The following USP45 variants were observed in gnomAD, a reference collection of about 807,000 sequenced individuals.
USP45 encodes ubiquitin specific peptidase 45.
In USP45, 89 loss-of-function variants were observed where a neutral mutation model predicts 95.8. The observed-to-expected ratio is 0.93, with a 90% CI of 0.78 to 1.11. The LOEUF is 1.11. USP45 is among the 50% of genes least tolerant of loss of function. USP45 has a pLI of 0.00. For missense variants in USP45, 898 were observed against 942.5 expected, an observed-to-expected ratio of 0.95 and a Z score of 0.62; for synonymous variants, 281 against 316.2, an observed-to-expected ratio of 0.89 and a Z score of 1.18.
intron 13 of USP45, 106 bp downstream of exon 13, chr6:99,464,498 G>T (rs992992612): frequency 1.4e-5 from 17 of 1,254,506 alleles, no homozygotes; most frequent in Admixed American, 4.9e-5. Flanking sequence ...CAAAAAATGG[G>T]TACATGAGAG....
intron 5 of USP45, among the ~76,000 whole-genome samples, chr6:99,489,546 T>A (rs559615984): frequency 3.3e-5 from 5 of 152,324 alleles, no homozygotes; most frequent in East Asian, 3.9e-4. Context: ...AAAAGTTTTT[T>A]AAAAATAAAC....
At chr6:99,511,860 T>TAC (rs1799933583) in intron 1 of USP45, among the ~76,000 whole-genome samples, 1 of 82,530 alleles carries the variant, frequency 1.2e-5, no homozygotes, top group Non-Finnish European at 2.7e-5. Flanking sequence ...TATATATATA[T>TAC]ATATATATAT....
chr6:99,440,706 G>A (rs1045551094), intron 15 of USP45, among the ~76,000 whole-genome samples: 9 of 150,808 alleles, frequency 6.0e-5, no homozygotes, highest in South Asian at 4.2e-4. Context: ...TTTTTTTGCC[G>A]AAGTGTATTC....
At chr6:99,507,568 AAATGTTTGTTTC>A in intron 3 of USP45, 37 bp from the exon 4 acceptor site, 3 of 1,382,582 alleles carry the variant, frequency 2.2e-6, no homozygotes, top group Non-Finnish European at 3.1e-6. Flanking sequence ...TATGACTTAC[AAATGTTTGTTTC>A]AAATTAATCA....
chr6:99,446,781 T>C (rs533066663), intron 13 of USP45, among the ~76,000 whole-genome samples: 10 of 152,348 alleles, frequency 6.6e-5, no homozygotes, highest in Admixed American at 5.2e-4. Flanking sequence ...TCTTGCTCTG[T>C]TGCCCAGGCT....
At chr6:99,445,672 G>C (rs1468512849) in intron 14 of USP45, 125 bp downstream of exon 14, 1 of 734,002 alleles carries the variant, frequency 1.4e-6, no homozygotes, top group East Asian at 2.8e-5. Flanking sequence ...AAATATGAAT[G>C]AAACAATCTC....
Position 99,435,781 on chromosome 6 carries a change from C to A in USP45, c.2380G>T (p.Val794Leu), listed in dbSNP as rs1227757762. Residue 794 changes from valine (V) to leucine (L), a missense_variant, in exon 18 of 18, where the codon GTG (valine) becomes TTG (leucine). Physicochemically the swap from Val to Leu is conservative, Grantham distance 32. Transcript: ENST00000500704. ...WVHVSDTYLQ[V>L]VPESRALSAQ... is the part of the protein sequence containing the mutation. The stretch of plus-strand genomic sequence containing the variant: ...CTAAGTGCTCTTGATTCTGGAACCA[C>A]CTGTAAGTAAGTGTCACTAACATGG... 4 of 1,613,602 alleles carry A rather than the reference C, an allele frequency of 2.5e-6. No homozygotes were observed. In the African/African-American group the frequency reaches 5.3e-5, roughly 22 times the overall value.
chr6:99,491,888 T>C (rs1212748047), intron 5 of USP45, among the ~76,000 whole-genome samples: 1 of 152,038 alleles, frequency 6.6e-6, no homozygotes, highest in African/African-American at 2.4e-5. Flanking sequence ...AATAACTATA[T>C]ATGTTTTATA....
At chr6:99,515,465 G>GT (rs1469909571), upstream of USP45, 2 of 152,288 alleles carry the variant, frequency 1.3e-5, no homozygotes, top group South Asian at 4.1e-4. Context: ...CCCGGCAGAG[G>GT]TGGGGCCTCG....
chr6:99,487,515 C>T (rs958744772), intron 7 of USP45, among the ~76,000 whole-genome samples: 2 of 151,104 alleles, frequency 1.3e-5, no homozygotes, highest in Non-Finnish European at 2.9e-5. Context: ...TGTGGCCGGG[C>T]GTGGTGGCTC....
upstream of USP45, among the ~76,000 whole-genome samples, chr6:99,517,824 C>A (rs1801198954): frequency 6.6e-6 from 1 of 151,728 alleles, no homozygotes; most frequent in Non-Finnish European, 1.5e-5. Flanking sequence ...GTAATACCTG[C>A]TGGTTTCTCA....
intron 4 of USP45, 70 bp from the exon 5 acceptor site, chr6:99,503,935 A>G (rs1475073352): frequency 8.9e-7 from 1 of 1,127,442 alleles, no homozygotes; most frequent in Non-Finnish European, 1.2e-6. Flanking sequence ...CAGATAACAA[A>G]GTTGGTATTT....
chr6:99,501,463 G>A (rs939601170), intron 5 of USP45, among the ~76,000 whole-genome samples: 4 of 152,006 alleles, frequency 2.6e-5, no homozygotes, highest in Non-Finnish European at 4.4e-5. Context: ...AACAAACCAC[G>A]TTTCTGCAAT....
upstream of USP45, among the ~76,000 whole-genome samples, chr6:99,517,025 C>T (rs1315826783): frequency 6.6e-6 from 1 of 152,122 alleles, no homozygotes; most frequent in Non-Finnish European, 1.5e-5. Context: ...TTGATTTCCA[C>T]TAGATAGACC....
chr6:99,476,834 A>G (rs1027603862), intron 8 of USP45, among the ~76,000 whole-genome samples: 3 of 152,220 alleles, frequency 2.0e-5, no homozygotes, highest in African/African-American at 7.2e-5. Flanking sequence ...ATAAAGGACT[A>G]TAAGTTGATC....
At chr6:99,512,282 G>C in intron 1 of USP45, among the ~76,000 whole-genome samples, 1 of 152,114 alleles carries the variant, frequency 6.6e-6, no homozygotes, top group Non-Finnish European at 1.5e-5. Context: ...CAACAAGTCT[G>C]GCACAAGACC....
At chr6:99,514,669 GAA>G (rs5878584) in intron 1 of USP45, among the ~76,000 whole-genome samples, 1 of 151,820 alleles carries the variant, frequency 6.6e-6, no homozygotes, top group African/African-American at 2.4e-5. Flanking sequence ...ATATCCTTAA[GAA>G]AAAAAAATCC....
intron 7 of USP45, among the ~76,000 whole-genome samples, chr6:99,487,133 T>G (rs1022513540): frequency 6.6e-6 from 1 of 152,210 alleles, no homozygotes; most frequent in Middle Eastern, 3.2e-3. Context: ...AGGCTAATTC[T>G]ATCATGGGAC....
rs149391603 is a variant in USP45, at chr6:99,446,806, C to T, written c.1309-343G>A. On this transcript the variant is annotated intron_variant, in intron 13 of 17. Transcript: ENST00000500704. The stretch of plus-strand genomic sequence containing the variant: ...TTGCCCAGGCTAGAGTGCAGTGGCA[C>T]AATCACAGCTCACCGCAGCCTCAAA... Among the ~76,000 whole-genome samples, 22 of 152,304 alleles carry T rather than the reference C, an allele frequency of 1.4e-4. No homozygotes were observed. The East Asian group carries it at 4.1e-3, about 28-fold the overall frequency.
Sources: allele counts gnomAD v4.1 joint callset (sites outside exome capture counted in the v4.1 genomes callset), GRCh38; gene constraint gnomAD v4.1.1; transcripts MANE v1.5; gene names NCBI Gene and HGNC (gene_info 2026-07-23, HGNC 2026-07-21).